ZNF892: variants seen among roughly 807,000 people sequenced by gnomAD.
ZNF892 encodes the protein zinc finger protein 570-like.
chr2:95,221,989 CCCTTCTTCCTTTCTTCCTT>C, the ZNF892 span, among the ~76,000 whole-genome samples: 1 of 152,090 alleles, frequency 6.6e-6, no homozygotes, highest in Non-Finnish European at 1.5e-5. Flanking sequence ...CTTTCTTCCT[CCCTTCTTCCTTTCTTCCTT>C]CCACAGTTCT....
the ZNF892 span, among the ~76,000 whole-genome samples, chr2:95,213,583 C>G: frequency 6.6e-6 from 1 of 152,136 alleles, no homozygotes; most frequent in Non-Finnish European, 1.5e-5. Flanking sequence ...TTTTCTCTTT[C>G]TTTCCTTTCT....
the ZNF892 span, among the ~76,000 whole-genome samples, chr2:95,216,838 C>T: frequency 1.3e-5 from 2 of 152,092 alleles, no homozygotes; most frequent in African/African-American, 4.8e-5. Flanking sequence ...TTAGCCCCCA[C>T]CTTCTACTCC....
chr2:95,220,411 G>A, the ZNF892 span, among the ~76,000 whole-genome samples: 4 of 150,106 alleles, frequency 2.7e-5, no homozygotes, highest in Admixed American at 2.0e-4. Flanking sequence ...TCTAGAACCC[G>A]ATCTGGGATA....
At chr2:95,256,836 C>T in the ZNF892 span, among the ~76,000 whole-genome samples, 1 of 152,216 alleles carries the variant, frequency 6.6e-6, no homozygotes, top group Non-Finnish European at 1.5e-5. Context: ...TCTTCCATCA[C>T]TGATACCCTT....
chr2:95,212,106 C>A, the ZNF892 span: 1 of 397,648 alleles, frequency 2.5e-6, no homozygotes, highest in Non-Finnish European at 4.4e-6. Context: ...ACTGACCTCA[C>A]TCTCTCCCTC....
chr2:95,213,307 A>G, the ZNF892 span, among the ~76,000 whole-genome samples: 45 of 151,878 alleles, frequency 3.0e-4, no homozygotes, highest in Non-Finnish European at 5.6e-4. Context: ...TATTCTACCT[A>G]TTTGTCCTTT....
chr2:95,234,932 G>A, the ZNF892 span, among the ~76,000 whole-genome samples: 5 of 152,236 alleles, frequency 3.3e-5, no homozygotes, highest in African/African-American at 1.2e-4. Flanking sequence ...CTTGTGGCTG[G>A]TTAGAAGGAG....
the ZNF892 span, among the ~76,000 whole-genome samples, chr2:95,230,148 T>C: frequency 2.0e-5 from 3 of 152,120 alleles, no homozygotes; most frequent in Non-Finnish European, 4.4e-5. Flanking sequence ...TGTTCTCACT[T>C]ATAAGTGGGA....
the ZNF892 span, among the ~76,000 whole-genome samples, chr2:95,230,493 A>C: frequency 2.6e-5 from 4 of 152,210 alleles, no homozygotes; most frequent in South Asian, 8.3e-4. Flanking sequence ...CCATTTAAAA[A>C]AATTCAGTGT....
the ZNF892 span, chr2:95,259,048 G>T: frequency 6.6e-6 from 1 of 152,156 alleles, no homozygotes; most frequent in Non-Finnish European, 1.5e-5. Flanking sequence ...GCAAGGGAGA[G>T]AATTACTTTA....
the ZNF892 span, chr2:95,207,613 G>A: frequency 1.6e-4 from 63 of 390,748 alleles, no homozygotes; most frequent in Middle Eastern, 6.4e-4. Flanking sequence ...TGTGGCTGGA[G>A]GTCGAACCCA....
At chr2:95,247,576 A>G in the ZNF892 span, among the ~76,000 whole-genome samples, 1 of 152,194 alleles carries the variant, frequency 6.6e-6, no homozygotes, top group Non-Finnish European at 1.5e-5. Context: ...CAGACAACCC[A>G]CAGAATGGGA....
chr2:95,236,574 T>G, the ZNF892 span, among the ~76,000 whole-genome samples: 8 of 152,218 alleles, frequency 5.3e-5, no homozygotes, highest in Non-Finnish European at 8.8e-5. Flanking sequence ...TTTTACCACA[T>G]TCAGTGGTAT....
the ZNF892 span, among the ~76,000 whole-genome samples, chr2:95,241,066 C>T: frequency 2.0e-5 from 3 of 152,234 alleles, no homozygotes; most frequent in Admixed American, 2.0e-4. Context: ...TCAGCCATTC[C>T]AGCCTGTTGG....
chr2:95,235,656 C>T, the ZNF892 span, among the ~76,000 whole-genome samples: 3 of 152,298 alleles, frequency 2.0e-5, no homozygotes, highest in African/African-American at 7.2e-5. Flanking sequence ...CCACCACGCC[C>T]GGCCCCAGTA....
chr2:95,257,851 G>A, the ZNF892 span, among the ~76,000 whole-genome samples: 16 of 152,298 alleles, frequency 1.1e-4, no homozygotes, highest in South Asian at 8.3e-4. Flanking sequence ...CTCCGTGGGC[G>A]TAGGACCCTC....
chr2:95,225,936 C>T, the ZNF892 span, among the ~76,000 whole-genome samples: 2 of 152,244 alleles, frequency 1.3e-5, no homozygotes, highest in Non-Finnish European at 2.9e-5. Context: ...CAAGTCCACT[C>T]TGTGGCTTTC....
At chr2:95,219,150 TACCATGCCCGGCTAA>T in the ZNF892 span, among the ~76,000 whole-genome samples, 1 of 151,558 alleles carries the variant, frequency 6.6e-6, no homozygotes, top group African/African-American at 2.4e-5. Context: ...AGGCGCCTGC[TACCATGCCCGGCTAA>T]TTTTTTTTTT....
the ZNF892 span, among the ~76,000 whole-genome samples, chr2:95,208,445 A>C: frequency 2.0e-5 from 3 of 152,222 alleles, no homozygotes; most frequent in Non-Finnish European, 4.4e-5. Context: ...TGCTCATAGG[A>C]GTTCTACTGG....
Sources: gnomAD v4.1 joint callset for allele counts (sites outside exome capture counted in the v4.1 genomes callset) on GRCh38, gnomAD v4.1.1 for gene constraint, MANE v1.5 for transcripts, NCBI Gene and HGNC (gene_info 2026-07-23, HGNC 2026-07-21) for gene names.